ADARB2: variants seen among roughly 807,000 people sequenced by gnomAD.
ADARB2 encodes the protein adenosine deaminase RNA specific B2 (inactive).
In ADARB2, 25 loss-of-function variants were observed where a neutral mutation model predicts 62.2. The ratio of observed to expected loss-of-function variants is 0.40; its 90% CI spans 0.29 to 0.56. The LOEUF is 0.56. Among genes scored for constraint, ADARB2 ranks in the 20% least tolerant of loss-of-function variants. The pLI is 0.43. For synonymous variants in ADARB2, 572 were observed against 500.8 expected, an observed-to-expected ratio of 1.14 and a Z score of -1.90; for missense variants, 1,071 against 1,077.4, an observed-to-expected ratio of 0.99 and a Z score of 0.08.
intron 1 of ADARB2, among the ~76,000 whole-genome samples, chr10:1,553,871 T>C (rs1832663911): frequency 6.6e-6 from 1 of 152,134 alleles, no homozygotes; most frequent in Admixed American, 6.5e-5. Flanking sequence ...ACACAAACCC[T>C]GCACCTCTGG....
At chr10:1,210,201 A>G (rs1249059950) in intron 7 of ADARB2, among the ~76,000 whole-genome samples, 1 of 152,228 alleles carries the variant, frequency 6.6e-6, no homozygotes, top group Non-Finnish European at 1.5e-5. Context: ...TTGCAAAGAG[A>G]ATGACCTATT....
At chr10:1,251,775 T>TAAAAGAG (rs1321484087) in intron 4 of ADARB2, among the ~76,000 whole-genome samples, 3 of 152,104 alleles carry the variant, frequency 2.0e-5, no homozygotes, top group African/African-American at 7.2e-5. Flanking sequence ...ATGAATGGAT[T>TAAAAGAG]AATACCCCTA....
chr10:1,385,832 C>T (rs1832520967), intron 1 of ADARB2, among the ~76,000 whole-genome samples: 1 of 152,120 alleles, frequency 6.6e-6, no homozygotes, highest in Admixed American at 6.5e-5. Context: ...CTGTACCAAT[C>T]AGCACAGCCA....
At chr10:1,547,377 T>C (rs1832538542) in intron 1 of ADARB2, among the ~76,000 whole-genome samples, 2 of 129,554 alleles carry the variant, frequency 1.5e-5, no homozygotes, top group African/African-American at 5.9e-5. Context: ...TGCAGGTCTA[T>C]GTACTGTGTT....
chr10:1,229,769 T>C (rs1207999591), intron 6 of ADARB2, among the ~76,000 whole-genome samples: 9 of 58,958 alleles, frequency 1.5e-4, no homozygotes, highest in Non-Finnish European at 2.3e-4. Flanking sequence ...TGTGTGCACA[T>C]ATGTGCTTCT....
At chr10:1,538,175 C>T (rs1372340608) in intron 1 of ADARB2, among the ~76,000 whole-genome samples, 1 of 152,128 alleles carries the variant, frequency 6.6e-6, no homozygotes, top group East Asian at 1.9e-4. Flanking sequence ...CCTGTCAGGG[C>T]CAATGCCGTG....
chr10:1,235,489 T>C (rs1020385169), intron 5 of ADARB2, among the ~76,000 whole-genome samples: 16 of 9,176 alleles, frequency 1.7e-3, no homozygotes, highest in South Asian at 0.013. Flanking sequence ...TCCCGGTGTT[T>C]ACTCCCCTCT....
At chr10:1,541,951 C>G (rs1369804074) in intron 1 of ADARB2, among the ~76,000 whole-genome samples, 1 of 28,804 alleles carries the variant, frequency 3.5e-5, no homozygotes, top group Non-Finnish European at 7.3e-5. Context: ...AGACGCAGTT[C>G]AGACCCTGGA....
intron 1 of ADARB2, among the ~76,000 whole-genome samples, chr10:1,440,495 C>T (rs1202225365): frequency 2.6e-5 from 4 of 151,670 alleles, no homozygotes; most frequent in Non-Finnish European, 5.9e-5. Flanking sequence ...GAGCCAGAGC[C>T]CACGATATAC....
At chr10:1,530,448 C>T (rs1046372068) in intron 1 of ADARB2, among the ~76,000 whole-genome samples, 8 of 152,188 alleles carry the variant, frequency 5.3e-5, no homozygotes, top group Non-Finnish European at 8.8e-5. Context: ...GCCAGGTCCT[C>T]GTGAGTGCGT....
At chr10:1,605,328 G>A (rs1216114801) in intron 1 of ADARB2, among the ~76,000 whole-genome samples, 1 of 152,200 alleles carries the variant, frequency 6.6e-6, no homozygotes, top group Non-Finnish European at 1.5e-5. Context: ...GTGATTCCAC[G>A]CAGCTCTTAC....
intron 3 of ADARB2, among the ~76,000 whole-genome samples, chr10:1,283,847 A>G (rs980681863): frequency 6.6e-6 from 1 of 152,226 alleles, no homozygotes; most frequent in African/African-American, 2.4e-5. Context: ...GAGATAGTTT[A>G]TGTGATTCCT....
chr10:1,418,473 G>A (rs2131883499), intron 1 of ADARB2, among the ~76,000 whole-genome samples: 1 of 152,308 alleles, frequency 6.6e-6, no homozygotes, highest in East Asian at 1.9e-4. Flanking sequence ...GAGGCCCAAG[G>A]TACCAAGGAG....
At chr10:1,349,251 A>G (rs1832111175) in intron 3 of ADARB2, among the ~76,000 whole-genome samples, 1 of 151,900 alleles carries the variant, frequency 6.6e-6, no homozygotes. Flanking sequence ...CCTGCCAGAG[A>G]ACAACCCCCC....
intron 1 of ADARB2, among the ~76,000 whole-genome samples, chr10:1,506,080 A>G (rs963392320): frequency 6.6e-6 from 1 of 151,668 alleles, no homozygotes; most frequent in Non-Finnish European, 1.5e-5. Context: ...GAAACAGTGC[A>G]TGTGACTGTG....
At chr10:1,438,844 G>A (rs74577225) in intron 1 of ADARB2, among the ~76,000 whole-genome samples, 108 of 67,476 alleles carry the variant, frequency 1.6e-3, no homozygotes, top group African/African-American at 2.5e-3. Flanking sequence ...GTCCTTCACT[G>A]TGGGGCTTCT....
intron 1 of ADARB2, among the ~76,000 whole-genome samples, chr10:1,637,240 T>TAA (rs35027039): frequency 0.2 from 31,103 of 152,122 alleles, 3,449 homozygotes; most frequent in Admixed American, 0.26. Context: ...CGTGATGATG[T>TAA]AAATCCTGTT....
intron 5 of ADARB2, among the ~76,000 whole-genome samples, chr10:1,240,692 C>T (rs565741286): frequency 6.2e-4 from 94 of 152,276 alleles, no homozygotes; most frequent in Admixed American, 1.2e-3. Flanking sequence ...GCAGGGCAGG[C>T]GTCGGGTGCA....
chr10:1,488,805 A>G (rs1831584286), intron 1 of ADARB2, among the ~76,000 whole-genome samples: 1 of 151,726 alleles, frequency 6.6e-6, no homozygotes, highest in African/African-American at 2.4e-5. Flanking sequence ...TCCTCGGGGG[A>G]AAACGCTCGC....
Sources: gnomAD v4.1 joint callset for allele counts (sites outside exome capture counted in the v4.1 genomes callset) on GRCh38, gnomAD v4.1.1 for gene constraint, MANE v1.5 for transcripts, NCBI Gene and HGNC (gene_info 2026-07-23, HGNC 2026-07-21) for gene names.